Variants in NFXL1 observed in about 807,000 individuals in gnomAD.
NFXL1 encodes nuclear transcription factor, X-box binding like 1, also known as NF-X1-type zinc finger protein NFXL1.
Under a neutral mutation model 123.3 loss-of-function variants are expected in NFXL1, and 66 were observed. The ratio of observed to expected loss-of-function variants is 0.54; its 90% confidence interval spans 0.44 to 0.66. The LOEUF (loss-of-function observed/expected upper bound fraction) is 0.66, where lower values mean the gene tolerates loss of function less well. NFXL1 is among the 30% of genes least tolerant of loss of function. The pLI is 0.00. For synonymous variants in NFXL1, 346 were observed against 360.8 expected (o/e 0.96, Z 0.46); for missense variants, 944 against 1,125.6 (o/e 0.84, Z 2.31).
Position 47,898,776 on chromosome 4 carries a change from G to A in NFXL1, c.1070C>T (p.Pro357Leu), listed in dbSNP as rs1227341132. ...ACTTACTTGATCACAGTGCCATAGTGGACTTGCACAACTTCTTTCAGCTAC... is the reference window on the plus strand; with the variant it reads ...ACTTACTTGATCACAGTGCCATAGTAGACTTGCACAACTTCTTTCAGCTAC... ...KKVAERSCAS[P>L]LWHCDQVCGK... is the part of the protein sequence containing the mutation. The change falls in exon 8 of 23, where the codon CCA becomes CTA. Residue 357 changes from proline (P) to leucine (L), a missense_variant. By Grantham distance (98) the Pro-to-Leu change is moderately conservative. Around this residue, in one of 4 missense-constraint regions of NFXL1, gnomAD observed 296 missense variants for 395.1 expected, o/e 0.75. Transcript: ENST00000507489. 1 of 1,599,360 alleles carries A rather than the reference G, an allele frequency of 6.3e-7. No homozygotes were observed. Among genetic ancestry groups the A allele is most frequent in the African/African-American group, 1.3e-5 (1 of 74,548 alleles).
intron 3 of NFXL1, among the ~76,000 whole-genome samples, chr4:47,909,304 C>T (rs986560416): frequency 6.6e-6 from 1 of 152,182 alleles, no homozygotes; most frequent in Non-Finnish European, 1.5e-5. Flanking sequence ...TACAATGCTG[C>T]TTTTTCCCCA....
At chr4:47,865,007 C>T (rs1734967319) in intron 18 of NFXL1, among the ~76,000 whole-genome samples, 1 of 152,052 alleles carries the variant, frequency 6.6e-6, no homozygotes, top group African/African-American at 2.4e-5. Flanking sequence ...GGGACTAAGC[C>T]CTCAACCTAC....
Position 47,862,742 on chromosome 4 carries a change from T to C in NFXL1, c.2316+104A>G, listed in dbSNP as rs187360883. On this transcript the variant is annotated intron_variant, in intron 19 of 22. Transcript: ENST00000507489. ...TGTCTTACGTGTTTATTTAAAAAGA[T>C]ACAACAGAGAAGACCTGAAATAATT... 1,676 of 741,718 alleles carry C rather than the reference T, an allele frequency of 2.3e-3. 5 individuals are homozygous for C. Among genetic ancestry groups the C allele is most frequent in the Admixed American group, 6.8e-3 (266 of 39,104 alleles). 45.9% of individuals were successfully genotyped at this position (741,718 alleles called of 1,614,324 possible).
chr4:47,865,512 G>A (rs1309437933), intron 18 of NFXL1, among the ~76,000 whole-genome samples: 4 of 147,632 alleles, frequency 2.7e-5, no homozygotes, highest in African/African-American at 9.9e-5. Flanking sequence ...CAACTCCTGA[G>A]AGAGCTATTT....
At chr4:47,868,000 T>C (rs755274531) in intron 18 of NFXL1, among the ~76,000 whole-genome samples, 2 of 152,158 alleles carry the variant, frequency 1.3e-5, no homozygotes, top group African/African-American at 2.4e-5. Flanking sequence ...AGACTGATGG[T>C]TGAAATTCAA....
chr4:47,885,717 A>T, intron 13 of NFXL1, 60 bp from the exon 14 acceptor site: 1 of 1,460,004 alleles, frequency 6.8e-7, no homozygotes, highest in Admixed American at 1.7e-5. Flanking sequence ...TTACATCTAA[A>T]GGACAATTAT....
At chr4:47,876,237 A>G (rs1383609511) in intron 17 of NFXL1, among the ~76,000 whole-genome samples, 1 of 152,152 alleles carries the variant, frequency 6.6e-6, no homozygotes, top group East Asian at 1.9e-4. Flanking sequence ...AGGCTCCTGG[A>G]ACTTACATTT....
chr4:47,863,512 T>C (rs1276248312), intron 18 of NFXL1, among the ~76,000 whole-genome samples: 4 of 152,016 alleles, frequency 2.6e-5, no homozygotes, highest in African/African-American at 7.2e-5. Flanking sequence ...TGAAAGCCCA[T>C]TTCCACTAAA....
At chr4:47,850,981 T>C in intron 22 of NFXL1, 114 bp downstream of exon 22, 2 of 731,694 alleles carry the variant, frequency 2.7e-6, no homozygotes, top group South Asian at 1.8e-5. Context: ...GAACTGTTAT[T>C]TTCAGTTCAC....
intron 18 of NFXL1, among the ~76,000 whole-genome samples, chr4:47,863,813 T>G (rs1056819731): frequency 6.6e-6 from 1 of 152,176 alleles, no homozygotes; most frequent in African/African-American, 2.4e-5. Flanking sequence ...AAACCTACTT[T>G]CCAACAGACA....
chr4:47,902,916 G>A (rs943800176), intron 5 of NFXL1, among the ~76,000 whole-genome samples: 3 of 152,110 alleles, frequency 2.0e-5, no homozygotes, highest in Non-Finnish European at 4.4e-5. Flanking sequence ...GGCACTTTGG[G>A]ATTTTTTGGG....
At position 47,848,239 on chromosome 4, in the gene NFXL1, T is replaced by C; in HGVS notation, c.2660A>G (p.His887Arg). The stretch of plus-strand genomic sequence containing the variant: ...ACACACTGAAATGAGATAATATTTA[T>C]GTTTTTGCCATAGTGATAGCTCAAC... ...VAVELSLWQKHKYYLISVCGV... is the reference protein window; with the variant it reads ...VAVELSLWQKRKYYLISVCGV... The change falls in exon 23 of 23, where the codon CAT (histidine) becomes CGT (arginine). Residue 887 changes from histidine (H) to arginine (R), a missense_variant. Coordinates refer to ENST00000507489, the MANE Select transcript of NFXL1 (RefSeq NM_001278624.2). The C allele has an allele frequency of 1.9e-6, 3 of 1,613,126 alleles. No homozygotes were observed. The highest frequency in any genetic ancestry group is 1.7e-6 in the Non-Finnish European group (2 of 1,179,266).
intron 19 of NFXL1, among the ~76,000 whole-genome samples, chr4:47,862,628 A>T (rs1734833237): frequency 6.6e-6 from 1 of 152,194 alleles, no homozygotes; most frequent in African/African-American, 2.4e-5. Flanking sequence ...TATCTTTAAA[A>T]TTGCTTTCTT....
intron 18 of NFXL1, among the ~76,000 whole-genome samples, chr4:47,865,784 G>A (rs1229626792): frequency 6.7e-6 from 1 of 148,396 alleles, no homozygotes; most frequent in Non-Finnish European, 1.5e-5. Context: ...GGAGGCCGAG[G>A]AAGGTGAACT....
Position 47,848,144 on chromosome 4 carries a change from T to TA in NFXL1, c.*18dup. The TA allele has an allele frequency of 6.6e-7, 1 of 1,520,688 alleles. No homozygotes were observed. The highest frequency in any genetic ancestry group is 8.9e-7 in the Non-Finnish European group (1 of 1,120,724). 94.2% of individuals were successfully genotyped at this position (1,520,688 alleles called of 1,614,324 possible). A position where few individuals can be genotyped will look rare whatever the true frequency, so the allele number is the denominator to read the frequency against. Reference sequence around the variant, plus strand: ...TATCTAAATCCAATCTGAGTTACATTAAAAGATCAAAACTTTTTTTAATTG... The same window carrying TA: ...TATCTAAATCCAATCTGAGTTACATTAAAAAGATCAAAACTTTTTTTAATTG... On this transcript the variant is annotated 3_prime_UTR_variant, in exon 23 of 23. Transcript: ENST00000507489.
chr4:47,894,321 T>C lies in NFXL1; in HGVS notation c.1330-19A>G, dbSNP rs1444978771. 3 of 1,552,644 alleles carry C rather than the reference T, an allele frequency of 1.9e-6. No homozygotes were observed. In the South Asian group the frequency reaches 3.7e-5, roughly 19 times the overall value. ...CCACTTCCTGGAAGAATAAAAGAAA[T>C]GCTATTAAAATTGATTTTTGTTAAT... On this transcript the variant is annotated intron_variant, in intron 10 of 22. Coordinates refer to ENST00000507489, the MANE Select transcript of NFXL1 (RefSeq NM_001278624.2).
chr4:47,904,196 C>A (rs569471554), intron 4 of NFXL1, among the ~76,000 whole-genome samples: 1 of 152,094 alleles, frequency 6.6e-6, no homozygotes, highest in East Asian at 1.9e-4. Flanking sequence ...AAGCTCAATC[C>A]TCCAGGGGAC....
chr4:47,872,204 C>A (rs1037674144), intron 18 of NFXL1, among the ~76,000 whole-genome samples: 1 of 152,184 alleles, frequency 6.6e-6, no homozygotes, highest in Non-Finnish European at 1.5e-5. Context: ...TGGCTCACCC[C>A]TGTAATCCCA....
At chr4:47,853,332 T>G (rs1309723313) in intron 20 of NFXL1, among the ~76,000 whole-genome samples, 1 of 152,132 alleles carries the variant, frequency 6.6e-6, no homozygotes, top group Non-Finnish European at 1.5e-5. Flanking sequence ...ACCTCTTTTA[T>G]AGTAATGGCA....
Sources: gnomAD v4.1 joint callset for allele counts (sites outside exome capture counted in the v4.1 genomes callset) on GRCh38, gnomAD v4.1.1 for gene constraint, gnomAD v4.1.1 regional missense constraint, MANE v1.5 for transcripts, NCBI Gene and HGNC (gene_info 2026-07-23, HGNC 2026-07-21) for gene names.